ADAM18: variants seen among roughly 807,000 people sequenced by gnomAD.
The protein encoded by ADAM18 is disintegrin and metalloproteinase domain-containing protein 18.
In ADAM18, 117 loss-of-function variants were observed where a neutral mutation model predicts 94.4. The ratio of observed to expected loss-of-function variants is 1.24; its 90% confidence interval spans 1.07 to 1.45. ADAM18 has a LOEUF of 1.45. Among genes scored for constraint, ADAM18 ranks in the 40% most tolerant of loss-of-function variants. The pLI, the probability that ADAM18 is intolerant of heterozygous loss-of-function variation, is 0.00. For missense variants in ADAM18, 936 were observed against 880.0 expected, an observed-to-expected ratio of 1.06 and a Z score of -0.81; for synonymous variants, 327 against 291.6, an observed-to-expected ratio of 1.12 and a Z score of -1.24.
rs758942793 is a variant in ADAM18 at position 39,668,150 on chromosome 8, A to G, written c.1479A>G (p.Gly493=). The G allele has an allele frequency of 1.9e-6, 3 of 1,614,094 alleles. No homozygotes were observed. The highest frequency in any genetic ancestry group is 2.5e-6 in the Non-Finnish European group (3 of 1,179,998). ...TGGGAACTGCCTATTGCTATAACGG[A>G]CAATGTCAAACTACTGATAACCAGT... ...CKLGTAYCYN[G]QCQTTDNQCA... The change falls in exon 14 of 20, where the codon GGA becomes GGG. Residue 493 remains glycine, a synonymous_variant. Transcript: ENST00000265707.
chr8:39,628,271 A>C (rs1240981184), intron 6 of ADAM18, among the ~76,000 whole-genome samples: 1 of 152,036 alleles, frequency 6.6e-6, no homozygotes, highest in Non-Finnish European at 1.5e-5. Context: ...TATTGAAAAA[A>C]AATGAGAGTC....
At chr8:39,644,514 C>T (rs188882444) in intron 10 of ADAM18, among the ~76,000 whole-genome samples, 226 of 152,256 alleles carry the variant, frequency 1.5e-3, no homozygotes, top group Middle Eastern at 3.4e-3. Context: ...TCTTGAGTTC[C>T]TGGCCTCAAG....
chr8:39,620,992 G>A (rs1282382148), intron 6 of ADAM18, among the ~76,000 whole-genome samples: 1 of 151,814 alleles, frequency 6.6e-6, no homozygotes, highest in Non-Finnish European at 1.5e-5. Context: ...ACAAAATTAT[G>A]TACATTTATA....
chr8:39,662,421 T>G (rs890491801), intron 12 of ADAM18, among the ~76,000 whole-genome samples: 1 of 152,096 alleles, frequency 6.6e-6, no homozygotes, highest in South Asian at 2.1e-4. Context: ...TGCATACATA[T>G]GAAAAAGTGT....
In ADAM18 at chr8:39,708,749, G is replaced by T. The variant is rs192407742; in HGVS notation, c.2017+1845G>T. ...ACTGGAACCAGCTGGCTGCTTCAGT[G>T]CCAGCAGTGGCAAACTCCACTCACT... On this transcript the variant is annotated intron_variant, in intron 18 of 19. Transcript: ENST00000265707. Among the ~76,000 whole-genome samples the T allele has an allele frequency of 1.3e-4, 20 of 152,324 alleles. No homozygotes were observed. In the East Asian group the frequency reaches 3.5e-3, roughly 26 times the overall value.
At chr8:39,610,379 C>G in intron 5 of ADAM18, 150 bp from the exon 6 acceptor site, 1 of 1,018,698 alleles carries the variant, frequency 9.8e-7, no homozygotes, top group East Asian at 3.1e-5. Context: ...GATAAACTGC[C>G]CCCCCAAAAA....
At chr8:39,646,460 C>T (rs1367563320) in intron 11 of ADAM18, among the ~76,000 whole-genome samples, 1 of 151,782 alleles carries the variant, frequency 6.6e-6, no homozygotes, top group East Asian at 1.9e-4. Flanking sequence ...CCCAATAGAT[C>T]CAAAATATTA....
At chr8:39,704,406 A>G (rs1822177889) in intron 17 of ADAM18, among the ~76,000 whole-genome samples, 1 of 152,190 alleles carries the variant, frequency 6.6e-6, no homozygotes, top group Non-Finnish European at 1.5e-5. Flanking sequence ...GGTTCAACAT[A>G]TGGAAATCAA....
intron 2 of ADAM18, among the ~76,000 whole-genome samples, chr8:39,591,052 T>G (rs549631425): frequency 3.5e-4 from 54 of 152,332 alleles, no homozygotes; most frequent in African/African-American, 1.2e-3. Flanking sequence ...GCAATAGTGC[T>G]ATGGCTAAAA....
Position 39,663,960 on chromosome 8 carries a change from G to A in ADAM18, c.1326+70G>A, listed in dbSNP as rs534279797. 9.2e-5 allele frequency: 89 copies of A among 972,560 alleles called. 1 individual carries two copies. The highest frequency in any genetic ancestry group is 4.3e-4 in the Middle Eastern group (2 of 4,676). The allele number at this position is 972,560 out of a possible 1,614,324, so 60.2% of individuals were successfully genotyped here. A position where few individuals can be genotyped will look rare whatever the true frequency, so the allele number is the denominator to read the frequency against. The stretch of plus-strand genomic sequence containing the variant: ...AGACGTCTGTATTAACTGAATCAAT[G>A]TGCAATTAATAAAAAGAATATATAA... On this transcript the variant is annotated intron_variant, in intron 13 of 19. Coordinates refer to ENST00000265707, the MANE Select transcript of ADAM18 (RefSeq NM_014237.3).
intron 18 of ADAM18, among the ~76,000 whole-genome samples, chr8:39,721,281 C>T (rs138222406): frequency 1.2e-4 from 18 of 151,484 alleles, no homozygotes; most frequent in African/African-American, 3.9e-4. Flanking sequence ...GACAGGTTAA[C>T]AACTTAAATG....
chr8:39,644,428 C>G (rs942454590), intron 10 of ADAM18, among the ~76,000 whole-genome samples: 1 of 152,076 alleles, frequency 6.6e-6, no homozygotes, highest in Admixed American at 6.6e-5. Flanking sequence ...GCTGGGACTG[C>G]AAGTGTGCAT....
At chr8:39,613,086 G>A (rs1010076365) in intron 6 of ADAM18, among the ~76,000 whole-genome samples, 9 of 152,108 alleles carry the variant, frequency 5.9e-5, no homozygotes, top group East Asian at 3.9e-4. Flanking sequence ...TGCATGCATC[G>A]AACCCAACAT....
intron 2 of ADAM18, among the ~76,000 whole-genome samples, chr8:39,598,324 T>C (rs1156739839): frequency 6.6e-6 from 1 of 152,188 alleles, no homozygotes; most frequent in Non-Finnish European, 1.5e-5. Context: ...GCCTTGATCC[T>C]GATCTTAGCA....
chr8:39,642,520 C>T (rs1820263787), intron 10 of ADAM18, among the ~76,000 whole-genome samples: 1 of 151,660 alleles, frequency 6.6e-6, no homozygotes, highest in Admixed American at 6.6e-5. Context: ...GAATTCTTTC[C>T]CCTTTGCTTG....
intron 2 of ADAM18, among the ~76,000 whole-genome samples, chr8:39,586,125 A>G (rs1235591609): frequency 1.3e-5 from 2 of 152,184 alleles, no homozygotes; most frequent in East Asian, 3.9e-4. Flanking sequence ...TATTAATTCT[A>G]TTTTGGCACA....
At chr8:39,722,190 CGTGTGTGTGTGT>C (rs1164771841) in intron 18 of ADAM18, among the ~76,000 whole-genome samples, 1 of 101,810 alleles carries the variant, frequency 9.8e-6, no homozygotes, top group African/African-American at 4.8e-5. Flanking sequence ...TTGGTTATAC[CGTGTGTGTGTGT>C]GTGTGTGTGT....
rs767437563 is a variant in ADAM18, at chr8:39,637,522, A to G, written c.661-15A>G. ...ACTTGTTTCTTTAAAAATGTACAAT[A>G]CATCTTATTTTTAGATGTTTACCCA... is the stretch of plus-strand genomic sequence containing the variant. On this transcript the variant is annotated splice_polypyrimidine_tract_variant and intron_variant, in intron 8 of 19. Coordinates refer to ENST00000265707, the MANE Select transcript of ADAM18 (RefSeq NM_014237.3). 3 of 1,586,824 alleles carry G rather than the reference A, an allele frequency of 1.9e-6. No individual in the cohort carries two copies. The highest frequency in any genetic ancestry group is 1.2e-5 in the South Asian group (1 of 86,668).
intron 14 of ADAM18, among the ~76,000 whole-genome samples, chr8:39,674,901 T>G (rs1158070395): frequency 6.6e-6 from 1 of 152,248 alleles, no homozygotes; most frequent in African/African-American, 2.4e-5. Flanking sequence ...CGGCTGGATA[T>G]GAAATTCTGG....
Sources: allele counts gnomAD v4.1 joint callset (sites outside exome capture counted in the v4.1 genomes callset), GRCh38; gene constraint gnomAD v4.1.1; transcripts MANE v1.5; gene names NCBI Gene and HGNC (gene_info 2026-07-23, HGNC 2026-07-21).